HPCAL1: variants seen among roughly 807,000 people sequenced by gnomAD.
The protein encoded by HPCAL1 is hippocalcin like 1.
In HPCAL1, 8 loss-of-function variants were observed where a neutral mutation model predicts 17.1. The observed-to-expected ratio is 0.47, with a 90% CI of 0.27 to 0.84. The LOEUF is 0.84. HPCAL1 is among the 40% of genes least tolerant of loss of function. The pLI, the probability that HPCAL1 is intolerant of heterozygous loss-of-function variation, is 0.13. For missense variants in HPCAL1, 165 were observed against 271.1 expected (o/e 0.61, Z 2.75); for synonymous variants, 112 against 111.4 (o/e 1.01, Z -0.03).
chr2:10,341,106 C>T (rs1457249223), intron 1 of HPCAL1, among the ~76,000 whole-genome samples: 3 of 151,958 alleles, frequency 2.0e-5, no homozygotes, highest in Admixed American at 1.3e-4. Flanking sequence ...GGCTGTCCTT[C>T]GCGATTTTTC....
At position 10,363,786 on chromosome 2, in the gene HPCAL1, G is replaced by A. The variant is rs562944340; in HGVS notation, c.-110-33049G>A. ...TTTCGGATCTCCAGTCCTTGTGTGG[G>A]CTGCGTGACCTTGGATGAGTTATTT... is the stretch of plus-strand genomic sequence containing the variant. On this transcript the variant is annotated intron_variant, in intron 1 of 4. Coordinates refer to ENST00000307845, the MANE Select transcript of HPCAL1 (RefSeq NM_002149.4). The surrounding 1 kb of genome is among the most constrained non-coding windows in gnomAD (Gnocchi z 4.7). Among the ~76,000 whole-genome samples the A allele has an allele frequency of 5.9e-5, 9 of 152,366 alleles. 1 individual carries two copies. Among genetic ancestry groups the A allele is most frequent in the African/African-American group, 2.2e-4 (9 of 41,586 alleles).
chr2:10,426,987 G>A lies in HPCAL1; in HGVS notation c.*166G>A. ...GTGGCTGCGCCTCCCTCCTCCACCT[G>A]ACCAACGCGACATTCCTCCCCTCAC... On this transcript the variant is annotated 3_prime_UTR_variant, in exon 5 of 5. Coordinates refer to ENST00000307845, the MANE Select transcript of HPCAL1 (RefSeq NM_002149.4). The A allele has an allele frequency of 1.6e-6, 1 of 620,414 alleles. No homozygotes were observed. 38.4% of individuals were successfully genotyped at this position (620,414 alleles called of 1,614,324 possible).
At position 10,377,555 on chromosome 2, in the gene HPCAL1, C is replaced by T. The variant is rs1667650621; in HGVS notation, c.-110-19280C>T. On this transcript the variant is annotated intron_variant, in intron 1 of 4. Transcript: ENST00000307845. This position sits in a 1 kb window ranked among gnomAD's most constrained non-coding sequence, Gnocchi z 5.9. The stretch of plus-strand genomic sequence containing the variant: ...CCGCACACACTCTTCCACCCTCTGT[C>T]GGCAGGGCCCCTGCCACCTCTGAAG... Among the ~76,000 whole-genome samples, 2 of 152,114 alleles carry T rather than the reference C, an allele frequency of 1.3e-5. No homozygotes were observed. The highest frequency in any genetic ancestry group is 6.6e-5 in the Admixed American group (1 of 15,264).
chr2:10,415,433 C>T (rs1018329203), intron 2 of HPCAL1, among the ~76,000 whole-genome samples: 1 of 152,190 alleles, frequency 6.6e-6, no homozygotes, highest in Non-Finnish European at 1.5e-5. Context: ...TCCTAGGACA[C>T]TTGCCATGTT....
chr2:10,394,094 GAC>G lies in HPCAL1; in HGVS notation c.-110-2739_-110-2738del, dbSNP rs1384578011. Among the ~76,000 whole-genome samples the G allele has an allele frequency of 6.6e-6, 1 of 151,476 alleles. No homozygotes were observed. The highest frequency in any genetic ancestry group is 1.5e-5 in the Non-Finnish European group (1 of 67,956). ...TGTGCCACTGCGCTCCAGCCTGGGT[GAC>G]AGAGCGAGATCCTGTCTCCTGAAAA... On this transcript the variant is annotated intron_variant, in intron 1 of 4. Transcript: ENST00000307845. This position sits in a 1 kb window ranked among gnomAD's most constrained non-coding sequence, Gnocchi z 5.0.
chr2:10,329,945 A>G (rs796330696), intron 1 of HPCAL1, among the ~76,000 whole-genome samples: 2 of 152,342 alleles, frequency 1.3e-5, no homozygotes, highest in Admixed American at 6.5e-5. Flanking sequence ...CCGAGGCCAT[A>G]TCGAGCAGGG....
chr2:10,324,524 A>G (rs1486775804), intron 1 of HPCAL1: 1 of 152,340 alleles, frequency 6.6e-6, no homozygotes, highest in East Asian at 1.9e-4. Context: ...TATTGTGGCC[A>G]TTCAGCACTT....
intron 3 of HPCAL1, among the ~76,000 whole-genome samples, chr2:10,421,939 A>G (rs1671086713): frequency 6.6e-6 from 1 of 152,182 alleles, no homozygotes; most frequent in Non-Finnish European, 1.5e-5. Context: ...TCTGGCTCTT[A>G]GCTTCATGCA....
At chr2:10,358,178 A>G (rs1666294390) in intron 1 of HPCAL1, among the ~76,000 whole-genome samples, 1 of 152,234 alleles carries the variant, frequency 6.6e-6, no homozygotes, top group Non-Finnish European at 1.5e-5. Context: ...TTTAATAAAC[A>G]GGATAGATGT....
At chr2:10,324,448 G>A (rs1663861949) in intron 1 of HPCAL1, 1 of 152,256 alleles carries the variant, frequency 6.6e-6, no homozygotes, top group Admixed American at 6.5e-5. Context: ...GACCATGGGA[G>A]ACAGTCCCTT....
intron 1 of HPCAL1, among the ~76,000 whole-genome samples, chr2:10,332,089 G>A (rs192633843): frequency 3.3e-5 from 5 of 151,882 alleles, no homozygotes; most frequent in South Asian, 2.1e-4. Context: ...CAGAGGGAGC[G>A]CTCCTTGTCA....
Sources: allele counts gnomAD v4.1 joint callset (sites outside exome capture counted in the v4.1 genomes callset), GRCh38; gene constraint gnomAD v4.1.1; non-coding constraint Gnocchi (gnomAD v3.1); transcripts MANE v1.5; gene names NCBI Gene and HGNC (gene_info 2026-07-23, HGNC 2026-07-21).